The following HCN1 variants were observed in gnomAD, a reference collection of about 807,000 sequenced individuals.
HCN1 encodes potassium/sodium hyperpolarization-activated cyclic nucleotide-gated channel 1.
HCN1 carries 13 observed loss-of-function variants against 78.9 expected under a neutral mutation model. The ratio of observed to expected loss-of-function variants is 0.16; its 90% confidence interval spans 0.11 to 0.26. The LOEUF (loss-of-function observed/expected upper bound fraction) is 0.26. Among genes scored for constraint, HCN1 ranks in the 10% least tolerant of loss-of-function variants. The pLI, the probability that HCN1 is intolerant of heterozygous loss-of-function variation, is 1.00. For missense variants in HCN1, 810 were observed against 1,154.3 expected, an observed-to-expected ratio of 0.70 and a Z score of 4.32; for synonymous variants, 552 against 455.5, an observed-to-expected ratio of 1.21 and a Z score of -2.70.
At chr5:45,580,091 A>C (rs929814927) in intron 2 of HCN1, among the ~76,000 whole-genome samples, 1 of 152,090 alleles carries the variant, frequency 6.6e-6, no homozygotes. Context: ...AGAAGGCTGA[A>C]TATATTGCCC....
intron 4 of HCN1, among the ~76,000 whole-genome samples, chr5:45,365,653 G>T (rs1561125191): frequency 6.6e-6 from 1 of 152,004 alleles, no homozygotes; most frequent in East Asian, 1.9e-4. Flanking sequence ...ATAAATATAT[G>T]AGTGCAGGTG....
At chr5:45,346,297 T>C (rs1746706126) in intron 5 of HCN1, among the ~76,000 whole-genome samples, 1 of 152,156 alleles carries the variant, frequency 6.6e-6, no homozygotes, top group Non-Finnish European at 1.5e-5. Flanking sequence ...CATAATTCAT[T>C]GAGTACATAG....
At chr5:45,658,852 T>A (rs1745851026) in intron 1 of HCN1, among the ~76,000 whole-genome samples, 1 of 150,392 alleles carries the variant, frequency 6.6e-6, no homozygotes, top group East Asian at 2.0e-4. Flanking sequence ...GAGATCAAAC[T>A]GCAAGGCGGC....
At chr5:45,558,927 T>TG (rs200463042) in intron 2 of HCN1, 10,694 of 148,858 alleles carry the variant, frequency 0.072, 574 homozygotes, top group Middle Eastern at 0.15. Context: ...TATTTTTTTT[T>TG]TTTTTTTTTT....
intron 6 of HCN1, among the ~76,000 whole-genome samples, chr5:45,280,173 T>C (rs1236073797): frequency 6.6e-6 from 1 of 152,122 alleles, no homozygotes; most frequent in African/African-American, 2.4e-5. Flanking sequence ...ACTAAAATAC[T>C]CTAGTCCTAG....
intron 2 of HCN1, among the ~76,000 whole-genome samples, chr5:45,500,949 T>A (rs1742175104): frequency 6.6e-6 from 1 of 152,216 alleles, no homozygotes; most frequent in Admixed American, 6.5e-5. Context: ...AATGTGTCAC[T>A]TCTTTTGACA....
chr5:45,304,216 A>G (rs1017726983), intron 5 of HCN1, among the ~76,000 whole-genome samples: 1 of 152,000 alleles, frequency 6.6e-6, no homozygotes, highest in African/African-American at 2.4e-5. Flanking sequence ...AGAAAGCCAT[A>G]TCACTTCCTA....
intron 5 of HCN1, among the ~76,000 whole-genome samples, chr5:45,344,496 T>C (rs141152858): frequency 5.6e-4 from 85 of 152,326 alleles, no homozygotes; most frequent in Middle Eastern, 6.8e-3. Flanking sequence ...CTTCTGTCTA[T>C]GAGCCTGCAA....
rs570509581 is a variant in HCN1 at position 45,584,338 on chromosome 5, A to G, written c.849+60847T>C. 1.1e-4 allele frequency among the ~76,000 whole-genome samples: 17 copies of G among 152,204 alleles called. No individual in the cohort carries two copies. The East Asian group carries it at 3.3e-3, about 29-fold the overall frequency. On this transcript the variant is annotated intron_variant, in intron 2 of 7. Transcript: ENST00000303230. ...TGGTTTAAAGTCTGTTTTATCACAG[A>G]CTAGGATTGCAACCCCTGCCTTTTT... is the stretch of plus-strand genomic sequence containing the variant.
chr5:45,517,644 C>T (rs987956513), intron 2 of HCN1, among the ~76,000 whole-genome samples: 2 of 151,338 alleles, frequency 1.3e-5, no homozygotes, highest in East Asian at 1.9e-4. Flanking sequence ...GTCAAAATAT[C>T]GGCTTTGAGC....
intron 2 of HCN1, among the ~76,000 whole-genome samples, chr5:45,635,519 A>C (rs1477779279): frequency 6.6e-6 from 1 of 152,112 alleles, no homozygotes; most frequent in Non-Finnish European, 1.5e-5. Flanking sequence ...CCCTGGGACC[A>C]GTCTCCAGAA....
chr5:45,581,399 C>T (rs1005824750), intron 2 of HCN1, among the ~76,000 whole-genome samples: 13 of 152,092 alleles, frequency 8.5e-5, no homozygotes, highest in African/African-American at 2.9e-4. Context: ...TCTTTGAGTT[C>T]TTTGTAGATT....
At chr5:45,653,340 G>A (rs1745712052) in intron 1 of HCN1, among the ~76,000 whole-genome samples, 1 of 151,986 alleles carries the variant, frequency 6.6e-6, no homozygotes, top group Admixed American at 6.6e-5. Flanking sequence ...TTCTCTACAT[G>A]ATTTTCAGCA....
intron 5 of HCN1, among the ~76,000 whole-genome samples, chr5:45,317,669 A>T (rs1746024148): frequency 6.6e-6 from 1 of 152,188 alleles, no homozygotes; most frequent in South Asian, 2.1e-4. Flanking sequence ...TACTCATCTG[A>T]CAAAGGGCTA....
intron 6 of HCN1, among the ~76,000 whole-genome samples, chr5:45,298,140 T>A (rs1394119800): frequency 2.6e-5 from 4 of 151,986 alleles, no homozygotes. Flanking sequence ...TACTGAGAGG[T>A]GAAGACTTTA....
chr5:45,356,711 C>T (rs1264096476), intron 4 of HCN1, among the ~76,000 whole-genome samples: 1 of 151,932 alleles, frequency 6.6e-6, no homozygotes, highest in Non-Finnish European at 1.5e-5. Context: ...ATTTCTTGTT[C>T]AGATAACTCT....
intron 3 of HCN1, among the ~76,000 whole-genome samples, chr5:45,416,787 G>T (rs1237916083): frequency 6.6e-6 from 1 of 151,930 alleles, no homozygotes; most frequent in Non-Finnish European, 1.5e-5. Flanking sequence ...GAAAATAAAA[G>T]TGGCAAAAGT....
chr5:45,593,123 T>C (rs1744408305), intron 2 of HCN1, among the ~76,000 whole-genome samples: 1 of 152,154 alleles, frequency 6.6e-6, no homozygotes, highest in Non-Finnish European at 1.5e-5. Flanking sequence ...AACAAAAATG[T>C]TTTTCCTATA....
At chr5:45,401,098 G>A (rs79976696) in intron 3 of HCN1, among the ~76,000 whole-genome samples, 2,065 of 152,014 alleles carry the variant, frequency 0.014, 46 homozygotes, top group African/African-American at 0.047. Context: ...TTTTCTTTCT[G>A]TCAGTAACAC....
Sources: gnomAD v4.1 joint callset for allele counts (sites outside exome capture counted in the v4.1 genomes callset) on GRCh38, gnomAD v4.1.1 for gene constraint, MANE v1.5 for transcripts, NCBI Gene and HGNC (gene_info 2026-07-23, HGNC 2026-07-21) for gene names.